SP100: variants seen among roughly 807,000 people sequenced by gnomAD.
SP100 encodes nuclear autoantigen Sp-100.
A neutral mutation model predicts 130.0 loss-of-function variants in SP100; 84 were observed. That is an observed-to-expected ratio of 0.65 (90% CI 0.54 to 0.77). The LOEUF is 0.77. SP100 is among the 30% of genes least tolerant of loss of function. The pLI is 0.00. For synonymous variants in SP100, 331 were observed against 351.7 expected, an observed-to-expected ratio of 0.94 and a Z score of 0.66; for missense variants, 978 against 1,052.2, an observed-to-expected ratio of 0.93 and a Z score of 0.97.
chr2:230,449,495 T>G, intron 6 of SP100, 66 bp from the exon 7 acceptor site: 1 of 1,565,788 alleles, frequency 6.4e-7, no homozygotes, highest in Non-Finnish European at 8.8e-7. Context: ...CGTGCTGTAG[T>G]GGTTGGAGGG....
chr2:230,464,795 T>A (rs975723708), intron 11 of SP100, among the ~76,000 whole-genome samples: 2 of 152,120 alleles, frequency 1.3e-5, no homozygotes, highest in African/African-American at 4.8e-5. Context: ...GCTAGTGGTG[T>A]TTAAGAGTCA....
intron 15 of SP100, 107 bp downstream of exon 15, chr2:230,470,205 T>C: frequency 7.0e-7 from 1 of 1,419,280 alleles, no homozygotes; most frequent in East Asian, 2.7e-5. Context: ...CACTACCTTG[T>C]ATCCAGTTCA....
chr2:230,540,563 A>C (rs1284867079), intron 25 of SP100, among the ~76,000 whole-genome samples: 2 of 152,160 alleles, frequency 1.3e-5, no homozygotes, highest in Non-Finnish European at 2.9e-5. Flanking sequence ...ATTTCCATTA[A>C]CTGTAGCAAA....
At chr2:230,491,594 A>G (rs2066393999) in intron 17 of SP100, among the ~76,000 whole-genome samples, 1 of 152,218 alleles carries the variant, frequency 6.6e-6, no homozygotes, top group Admixed American at 6.5e-5. Context: ...TTAGAGTGTT[A>G]GGCAGTTGTG....
intron 2 of SP100, among the ~76,000 whole-genome samples, chr2:230,436,872 G>A (rs1261446597): frequency 6.6e-6 from 1 of 150,968 alleles, no homozygotes; most frequent in Non-Finnish European, 1.5e-5. Context: ...ATATGTATAT[G>A]TGTATACACA....
intron 17 of SP100, among the ~76,000 whole-genome samples, chr2:230,485,595 CTA>C (rs2066041794): frequency 1.3e-5 from 2 of 152,134 alleles, no homozygotes; most frequent in African/African-American, 4.8e-5. Flanking sequence ...CCTATAATTT[CTA>C]CTTTCTTAAA....
chr2:230,513,025 T>C (rs894005013), intron 24 of SP100, among the ~76,000 whole-genome samples: 2 of 152,206 alleles, frequency 1.3e-5, no homozygotes, highest in African/African-American at 4.8e-5. Flanking sequence ...ATGCCAGCAA[T>C]GGGGAGCTGC....
chr2:230,479,339 T>C (rs917940688), intron 17 of SP100, among the ~76,000 whole-genome samples: 1 of 152,262 alleles, frequency 6.6e-6, no homozygotes, highest in Non-Finnish European at 1.5e-5. Flanking sequence ...CTACTGTTTA[T>C]AGGCTAATTA....
At chr2:230,518,899 GT>G (rs1443789400) in intron 24 of SP100, among the ~76,000 whole-genome samples, 1 of 152,164 alleles carries the variant, frequency 6.6e-6, no homozygotes, top group East Asian at 1.9e-4. Flanking sequence ...GAACTTAGAT[GT>G]TTGGGACTAC....
intron 2 of SP100, among the ~76,000 whole-genome samples, chr2:230,430,054 T>C (rs2063051433): frequency 6.6e-6 from 1 of 152,236 alleles, no homozygotes; most frequent in Admixed American, 6.5e-5. Context: ...CTATCATTGG[T>C]GTCTGCACAT....
intron 18 of SP100, among the ~76,000 whole-genome samples, chr2:230,497,483 GGAGGGGAGGA>G (rs1559520331): frequency 1.5e-4 from 9 of 61,560 alleles, no homozygotes; most frequent in African/African-American, 5.7e-4. Flanking sequence ...GGAGGGGAGG[GGAGGGGAGGA>G]GAGGAGAGGA....
chr2:230,517,750 G>T (rs1462464861), intron 24 of SP100, among the ~76,000 whole-genome samples: 1 of 139,040 alleles, frequency 7.2e-6, no homozygotes, highest in Non-Finnish European at 1.5e-5. Context: ...GGGCAACAGA[G>T]CAAGACTCCA....
In SP100 at chr2:230,450,889, G is replaced by A. The variant is rs191001569; in HGVS notation, c.820+634G>A. Among the ~76,000 whole-genome samples, 58 of 152,294 alleles carry A rather than the reference G, an allele frequency of 3.8e-4. 1 individual carries two copies. The Middle Eastern group carries it at 0.01, about 27-fold the overall frequency. On this transcript the variant is annotated intron_variant, in intron 8 of 28. Transcript: ENST00000340126. The stretch of plus-strand genomic sequence containing the variant: ...TTTCTTTATCCATTCACCCACTGAT[G>A]GGTACTTAGGTTGTTTCTGTATCTT...
chr2:230,473,581 C>T (rs1045451566), intron 16 of SP100, 141 bp downstream of exon 16: 3 of 543,108 alleles, frequency 5.5e-6, no homozygotes, highest in African/African-American at 1.9e-5. Context: ...CCCACAGGCC[C>T]CAAGCTTCAG....
rs1375455920 is a variant in SP100 at position 230,449,161 on chromosome 2, G to A, written c.586+11G>A. On this transcript the variant is annotated intron_variant, in intron 6 of 28. Transcript: ENST00000340126. ...CCCCATCTCATGCTGGTTTGTTCCT[G>A]TTTACTACTCTTTGAGCCTCTGCTA... The A allele has an allele frequency of 1.9e-6, 3 of 1,613,742 alleles. No homozygotes were observed. The highest frequency in any genetic ancestry group is 4.5e-5 in the East Asian group (2 of 44,896).
chr2:230,511,066 G>A, intron 23 of SP100, 59 bp from the exon 24 acceptor site: 3 of 1,125,892 alleles, frequency 2.7e-6, no homozygotes, highest in Non-Finnish European at 4.1e-6. Context: ...CTGTTCAAAT[G>A]TGGGGTTAAT....
intron 24 of SP100, among the ~76,000 whole-genome samples, chr2:230,528,960 A>G (rs1183264514): frequency 6.6e-6 from 1 of 152,230 alleles, no homozygotes; most frequent in Non-Finnish European, 1.5e-5. Flanking sequence ...AAAAAAGTCC[A>G]GGACCAGACA....
chr2:230,500,679 G>A (rs1575755478), intron 19 of SP100, among the ~76,000 whole-genome samples: 1 of 152,148 alleles, frequency 6.6e-6, no homozygotes, highest in Non-Finnish European at 1.5e-5. Context: ...GGAAGGAGGA[G>A]AGAAGAGTTA....
At chr2:230,433,461 G>A (rs1274593340) in intron 2 of SP100, among the ~76,000 whole-genome samples, 1 of 152,024 alleles carries the variant, frequency 6.6e-6, no homozygotes, top group Non-Finnish European at 1.5e-5. Flanking sequence ...TTTCAAGACT[G>A]TTTTGGATAT....
Sources: gnomAD v4.1 joint callset for allele counts (sites outside exome capture counted in the v4.1 genomes callset) on GRCh38, gnomAD v4.1.1 for gene constraint, MANE v1.5 for transcripts, NCBI Gene and HGNC (gene_info 2026-07-23, HGNC 2026-07-21) for gene names.